SV2C: variants seen among roughly 807,000 people sequenced by gnomAD.
The protein encoded by SV2C is solute carrier family 22 member B3.
Under a neutral mutation model 79.7 loss-of-function variants are expected in SV2C, and 49 were observed. The ratio of observed to expected loss-of-function variants is 0.61; its 90% confidence interval spans 0.49 to 0.78. SV2C has a LOEUF of 0.78. Among genes scored for constraint, SV2C ranks in the 30% least tolerant of loss-of-function variants. The probability of loss-of-function intolerance (pLI) is 0.00; values close to 1 mark genes in which losing one functional copy is unlikely to be tolerated. For synonymous variants in SV2C, 334 were observed against 333.2 expected, an observed-to-expected ratio of 1.00 and a Z score of -0.03; for missense variants, 833 against 912.9, an observed-to-expected ratio of 0.91 and a Z score of 1.13.
At chr5:75,963,462 G>C in the SV2C span, among the ~76,000 whole-genome samples, 1 of 152,244 alleles carries the variant, frequency 6.6e-6, no homozygotes, top group East Asian at 1.9e-4. Flanking sequence ...ATTTTGGACA[G>C]AGGTTTTGTC....
chr5:75,859,833 C>T, the SV2C span, among the ~76,000 whole-genome samples: 1 of 152,110 alleles, frequency 6.6e-6, no homozygotes, highest in African/African-American at 2.4e-5. Context: ...TCACAGAAAC[C>T]GCCACTGCTA....
the SV2C span, among the ~76,000 whole-genome samples, chr5:75,953,746 T>C: frequency 6.6e-6 from 1 of 151,984 alleles, no homozygotes; most frequent in African/African-American, 2.4e-5. Context: ...TTATACCATT[T>C]CTCAGATTTC....
intron 4 of SV2C, among the ~76,000 whole-genome samples, chr5:76,247,595 G>T (rs548983577): frequency 6.6e-6 from 1 of 152,166 alleles, no homozygotes. Flanking sequence ...TCTTCCAGTT[G>T]CTGTGCATTG....
intron 1 of SV2C, among the ~76,000 whole-genome samples, chr5:76,118,303 C>T (rs141757366): frequency 1.3e-5 from 2 of 152,254 alleles, no homozygotes; most frequent in East Asian, 3.9e-4. Flanking sequence ...TATAAGGATG[C>T]TTGTCATTGG....
the SV2C span, among the ~76,000 whole-genome samples, chr5:75,877,955 C>T: frequency 2.9e-5 from 3 of 104,598 alleles, no homozygotes; most frequent in Non-Finnish European, 5.6e-5. Context: ...AAAAAAAAAA[C>T]AAGTTTCTCT....
At chr5:76,092,392 C>T (rs1266579969) in intron 1 of SV2C, among the ~76,000 whole-genome samples, 6 of 152,018 alleles carry the variant, frequency 3.9e-5, no homozygotes, top group African/African-American at 1.5e-4. Flanking sequence ...GATCTTTTTC[C>T]AGGCAATAAT....
the SV2C span, among the ~76,000 whole-genome samples, chr5:75,867,029 A>G: frequency 6.6e-6 from 1 of 152,182 alleles, no homozygotes; most frequent in Non-Finnish European, 1.5e-5. Context: ...CTCTGTGTCA[A>G]TGCAGGGCAG....
the SV2C span, among the ~76,000 whole-genome samples, chr5:76,030,278 T>G: frequency 1.0e-4 from 12 of 116,910 alleles, no homozygotes; most frequent in African/African-American, 1.8e-4. Flanking sequence ...TTTTTTTTTT[T>G]TTTTTTTTTT....
the SV2C span, among the ~76,000 whole-genome samples, chr5:75,952,014 G>C: frequency 3.3e-5 from 5 of 151,922 alleles, no homozygotes; most frequent in African/African-American, 4.8e-5. Context: ...TGATTGGCAA[G>C]TAGTAAAAAT....
At chr5:76,125,858 G>A (rs903445000) in intron 1 of SV2C, among the ~76,000 whole-genome samples, 2 of 152,126 alleles carry the variant, frequency 1.3e-5, no homozygotes, top group African/African-American at 4.8e-5. Context: ...AGAAGTTCTA[G>A]ACCAGCCTTG....
At chr5:75,911,415 T>G in the SV2C span, 1 of 1,059,986 alleles carries the variant, frequency 9.4e-7, no homozygotes, top group Non-Finnish European at 1.4e-6. Flanking sequence ...CAGCACCCCC[T>G]AGTAGGCCTC....
At chr5:76,085,713 GCTCT>G (rs2112085356) in intron 1 of SV2C, among the ~76,000 whole-genome samples, 1 of 152,038 alleles carries the variant, frequency 6.6e-6, no homozygotes, top group Non-Finnish European at 1.5e-5. Flanking sequence ...GCTTATACTA[GCTCT>G]TATGTACCTT....
intron 6 of SV2C, among the ~76,000 whole-genome samples, chr5:76,286,312 G>A (rs911532080): frequency 6.6e-6 from 1 of 152,100 alleles, no homozygotes. Context: ...GCTACCAGAA[G>A]AGAGCCAGGC....
the SV2C span, among the ~76,000 whole-genome samples, chr5:75,914,119 T>C: frequency 6.6e-6 from 1 of 152,190 alleles, no homozygotes; most frequent in South Asian, 2.1e-4. Context: ...TAACCCCATA[T>C]TGTCTTCTCT....
the SV2C span, among the ~76,000 whole-genome samples, chr5:75,965,575 T>G: frequency 6.6e-6 from 1 of 152,140 alleles, no homozygotes; most frequent in Non-Finnish European, 1.5e-5. Flanking sequence ...TTTCTCAGCC[T>G]CCAGAACTGT....
At chr5:76,270,255 G>A (rs1053596472) in intron 4 of SV2C, among the ~76,000 whole-genome samples, 2 of 152,186 alleles carry the variant, frequency 1.3e-5, no homozygotes, top group African/African-American at 4.8e-5. Context: ...TTACATATCA[G>A]TATATTAACT....
the SV2C span, among the ~76,000 whole-genome samples, chr5:75,864,128 G>A: frequency 2.0e-5 from 3 of 151,994 alleles, no homozygotes; most frequent in East Asian, 5.8e-4. Flanking sequence ...AATAATTCAT[G>A]GTTATGATTT....
the SV2C span, among the ~76,000 whole-genome samples, chr5:76,031,534 C>CT: frequency 6.6e-6 from 1 of 152,204 alleles, no homozygotes; most frequent in African/African-American, 2.4e-5. Context: ...CATCAAGTGG[C>CT]TTGTAGGTTC....
chr5:76,019,926 T>C, the SV2C span, among the ~76,000 whole-genome samples: 1 of 152,116 alleles, frequency 6.6e-6, no homozygotes. Flanking sequence ...AAGTGTTGAG[T>C]GATACTCACA....
Sources: gnomAD v4.1 joint callset for allele counts (sites outside exome capture counted in the v4.1 genomes callset) on GRCh38, gnomAD v4.1.1 for gene constraint, MANE v1.5 for transcripts, NCBI Gene and HGNC (gene_info 2026-07-23, HGNC 2026-07-21) for gene names.